The following PMCH variants were observed in gnomAD, a reference collection of about 807,000 sequenced individuals.
PMCH encodes pro-MCH.
In PMCH, 8 loss-of-function variants were observed where a neutral mutation model predicts 15.9. The observed-to-expected ratio is 0.50, with a 90% CI of 0.29 to 0.91. The LOEUF is 0.91. Among genes scored for constraint, PMCH ranks in the 40% least tolerant of loss-of-function variants. The probability of loss-of-function intolerance (pLI) is 0.07; values close to 1 mark genes in which losing one functional copy is unlikely to be tolerated. For synonymous variants in PMCH, 73 were observed against 63.8 expected, an observed-to-expected ratio of 1.14 and a Z score of -0.69; for missense variants, 169 against 185.7, an observed-to-expected ratio of 0.91 and a Z score of 0.52.
chr12:102,197,561 C>G lies in PMCH; in HGVS notation c.210G>C (p.Glu70Asp). ...APSLEQYKND[E>D]SSFMNEEENK... ...TTTCCTCTTCGTTCATGAAACTGCT[C>G]TCATCATTTTTATATTGTTCCAGGG... The change falls in exon 1 of 3, where the codon GAG becomes GAC. Residue 70 changes from glutamate (E) to aspartate (D), a missense_variant. Coordinates refer to ENST00000329406, the MANE Select transcript of PMCH (RefSeq NM_002674.4). The G allele has an allele frequency of 6.2e-7, 1 of 1,610,944 alleles. No individual in the cohort carries two copies. The highest frequency in any genetic ancestry group is 1.7e-5 in the Admixed American group (1 of 59,866).
intron 1 of PMCH, 68 bp from the exon 2 acceptor site, chr12:102,197,239 A>T: frequency 8.2e-6 from 10 of 1,213,780 alleles, no homozygotes; most frequent in Non-Finnish European, 1.2e-5. Context: ...ACAATTGTAT[A>T]ATATTCTTGT....
chr12:102,197,672 T>C lies in PMCH; in HGVS notation c.99A>G (p.Leu33=). 1.9e-6 allele frequency: 3 copies of C among 1,611,736 alleles called. No individual in the cohort carries two copies. The South Asian group carries it at 3.3e-5, about 18-fold the overall frequency. Residue 33 remains leucine, a synonymous_variant, in exon 1 of 3, where the codon TTA becomes TTG. Coordinates refer to ENST00000329406, the MANE Select transcript of PMCH (RefSeq NM_002674.4). The part of the protein sequence containing the change: ...LLSASKSIRN[L]DDDMVFNTFR... ...ATGTATTAAATACCATGTCATCATC[T>C]AAATTTCTTATGGACTTGGATGCTG...
chr12:102,197,621 C>T lies in PMCH; in HGVS notation c.150G>A (p.Lys50=). The stretch of plus-strand genomic sequence containing the variant: ...TAACTGATTTTTCTGCAGTGTCTTC[C>T]TTCTGAAAGCCTTTCCCCAACCTGA... The part of the protein sequence containing the change: ...NTFRLGKGFQ[K]EDTAEKSVIA... The change falls in exon 1 of 3, where the codon AAG becomes AAA. Residue 50 remains lysine, a synonymous_variant. Transcript: ENST00000329406. 8 of 1,612,000 alleles carry T rather than the reference C, an allele frequency of 5.0e-6. No homozygotes were observed. Among genetic ancestry groups the T allele is most frequent in the Non-Finnish European group, 4.2e-6 (5 of 1,178,658 alleles).
intron 2 of PMCH, 51 bp downstream of exon 2, chr12:102,196,922 C>G (rs1307640253): frequency 1.4e-6 from 2 of 1,446,730 alleles, no homozygotes; most frequent in African/African-American, 1.4e-5. Flanking sequence ...ACTCAGAGTT[C>G]TGTTTAATGG....
Position 102,196,994 on chromosome 12 carries a change from T to C in PMCH, c.427A>G (p.Ile143Val), listed in dbSNP as rs1390032150. ...TCACTGTCAAAATCTCTCCTTCCTA[T>C]AGGAAATTTAGCTGAGTTTTCTTCA... Reference protein sequence around the residue: ...GDEENSAKFPIGRRDFDMLRC... With the variant: ...GDEENSAKFPVGRRDFDMLRC... Residue 143 changes from isoleucine to valine, a missense_variant, in exon 2 of 3, where the codon ATA becomes GTA. By Grantham distance (29) the Ile-to-Val change is conservative. Transcript: ENST00000329406. 1 of 1,611,492 alleles carries C rather than the reference T, an allele frequency of 6.2e-7. No homozygotes were observed. The highest frequency in any genetic ancestry group is 8.5e-7 in the Non-Finnish European group (1 of 1,178,240).
Position 102,196,983 on chromosome 12 carries a change from T to C in PMCH, c.438A>G (p.Arg146=). 25 of 1,610,530 alleles carry C rather than the reference T, an allele frequency of 1.6e-5. No homozygotes were observed. Among genetic ancestry groups the C allele is most frequent in the Non-Finnish European group, 2.0e-5 (24 of 1,177,482 alleles). ...ENSAKFPIGR[R]DFDMLRCMLG... ...GAAAAGACTACTCACTGTCAAAATCTCTCCTTCCTATAGGAAATTTAGCTG... is the reference window on the plus strand; with the variant it reads ...GAAAAGACTACTCACTGTCAAAATCCCTCCTTCCTATAGGAAATTTAGCTG... Residue 146 remains arginine (R), a synonymous_variant, in exon 2 of 3, where the codon AGA becomes AGG. Transcript: ENST00000329406.
In PMCH at chr12:102,197,136, A is replaced by T. The variant is rs770540632; in HGVS notation, c.285T>A (p.Gly95=). 1.2e-5 allele frequency: 19 copies of T among 1,611,960 alleles called. No homozygotes were observed. The Admixed American group carries it at 3.2e-4, about 27-fold the overall frequency. The change falls in exon 2 of 3, where the codon GGT becomes GGA. Residue 95 remains glycine, a synonymous_variant. Coordinates refer to ENST00000329406, the MANE Select transcript of PMCH (RefSeq NM_002674.4). ...GTTTTATAGCCAGATTCAGTGGCAGACCATGATTTAAGAAATTATGTTTGG... is the reference window on the plus strand; with the variant it reads ...GTTTTATAGCCAGATTCAGTGGCAGTCCATGATTTAAGAAATTATGTTTGG... ...TGSKHNFLNH[G]LPLNLAIKPY... is the part of the protein sequence containing the mutation.
chr12:102,197,107 T>C lies in PMCH; in HGVS notation c.314A>G (p.Tyr105Cys), dbSNP rs1290509239. The change falls in exon 2 of 3, where the codon TAT (tyrosine) becomes TGT (cysteine). Residue 105 changes from tyrosine to cysteine, a missense_variant. Physicochemically the swap from Tyr to Cys is radical, Grantham distance 194 (BLOSUM62 -2). Transcript: ENST00000329406. ...AGCTACAGATCCTTTTAGTGCAAGA[T>C]AAGGTTTTATAGCCAGATTCAGTGG... ...GLPLNLAIKP[Y>C]LALKGSVAFP... is the part of the protein sequence containing the mutation. 4 of 1,612,308 alleles carry C rather than the reference T, an allele frequency of 2.5e-6. No homozygotes were observed. The highest frequency in any genetic ancestry group is 1.1e-5 in the South Asian group (1 of 91,038).
In PMCH at chr12:102,197,778, T is replaced by C; in HGVS notation, c.-8A>G. 6.4e-7 allele frequency: 1 copy of C among 1,567,378 alleles called. No individual in the cohort carries two copies. Reference sequence around the variant, plus strand: ...GAGATTCATTTTTGCCATTCTTAGTTTGATGTTTGCATACAGTCAAACAAG... The same window carrying C: ...GAGATTCATTTTTGCCATTCTTAGTCTGATGTTTGCATACAGTCAAACAAG... On this transcript the variant is annotated 5_prime_UTR_variant, in exon 1 of 3. Transcript: ENST00000329406.
chr12:102,196,556 A>G lies in PMCH; in HGVS notation c.*96T>C. On this transcript the variant is annotated 3_prime_UTR_variant, in exon 3 of 3. Coordinates refer to ENST00000329406, the MANE Select transcript of PMCH (RefSeq NM_002674.4). ...TACTTTCTTTTAAAACAGACATTTA[A>G]CATACACAAGTTATAGTAGCAGTAT... 2.2e-6 allele frequency: 2 copies of G among 895,564 alleles called. No individual in the cohort carries two copies. The highest frequency in any genetic ancestry group is 3.8e-6 in the Non-Finnish European group (2 of 531,926). 55.5% of individuals were successfully genotyped at this position (895,564 alleles called of 1,614,324 possible).
In PMCH at chr12:102,197,720, C is replaced by T. The variant is rs1467894007; in HGVS notation, c.51G>A (p.Leu17=). 1 of 1,603,616 alleles carries T rather than the reference C, an allele frequency of 6.2e-7. No individual in the cohort carries two copies. Among genetic ancestry groups the T allele is most frequent in the Admixed American group, 1.7e-5 (1 of 59,504 alleles). ...SSYILILTFS[L]FSQGILLSAS... ...CTGAAAGTAAAATACCTTGAGAAAA[C>T]AAAGAAAAAGTTAGTATTAATATAT... The change falls in exon 1 of 3, where the codon TTG becomes TTA. Residue 17 remains leucine (L), a synonymous_variant. Transcript: ENST00000329406.
chr12:102,197,649 G>A lies in PMCH; in HGVS notation c.122C>T (p.Thr41Ile). The change falls in exon 1 of 3, where the codon ACA becomes ATA. Residue 41 changes from threonine (T) to isoleucine (I), a missense_variant. Transcript: ENST00000329406. ...RNLDDDMVFN[T>I]FRLGKGFQKE... ...CTGAAAGCCTTTCCCCAACCTGAAT[G>A]TATTAAATACCATGTCATCATCTAA... The A allele has an allele frequency of 1.9e-6, 3 of 1,612,046 alleles. No individual in the cohort carries two copies. Among genetic ancestry groups the A allele is most frequent in the Non-Finnish European group, 2.5e-6 (3 of 1,178,678 alleles).
Position 102,197,042 on chromosome 12 carries a change from G to C in PMCH, c.379C>G (p.Gln127Glu). 6.2e-7 allele frequency: 1 copy of C among 1,611,954 alleles called. No individual in the cohort carries two copies. Among genetic ancestry groups the C allele is most frequent in the Admixed American group, 1.7e-5 (1 of 59,850 alleles). ...TCATCCCCAATTTCTCTCTTTTCTTGTGTTGATTCAGTATTCTGAACTCCA... is the reference window on the plus strand; with the variant it reads ...TCATCCCCAATTTCTCTCTTTTCTTCTGTTGATTCAGTATTCTGAACTCCA... ...ENGVQNTEST[Q>E]EKREIGDEEN... The change falls in exon 2 of 3, where the codon CAA (glutamine) becomes GAA (glutamate). Residue 127 changes from glutamine (Q) to glutamate (E), a missense_variant. Gln to Glu is a conservative substitution (Grantham distance 29, BLOSUM62 2). Coordinates refer to ENST00000329406, the MANE Select transcript of PMCH (RefSeq NM_002674.4).
chr12:102,196,944 A>C, intron 2 of PMCH, 29 bp downstream of exon 2: 1 of 1,548,412 alleles, frequency 6.5e-7, no homozygotes, highest in Non-Finnish European at 8.9e-7. Flanking sequence ...GGTAGGATGT[A>C]AGAATTGAAT....
At position 102,196,569 on chromosome 12, in the gene PMCH, A is replaced by G. The variant is rs1594651300; in HGVS notation, c.*83T>C. On this transcript the variant is annotated 3_prime_UTR_variant, in exon 3 of 3. Transcript: ENST00000329406. ...AACAGACATTTAACATACACAAGTT[A>G]TAGTAGCAGTATGGGCTTCTCCTCC... 7 of 956,352 alleles carry G rather than the reference A, an allele frequency of 7.3e-6. No homozygotes were observed. The highest frequency in any genetic ancestry group is 2.4e-5 in the East Asian group (1 of 41,900). The allele number at this position is 956,352 out of a possible 1,614,324, so 59.2% of individuals were successfully genotyped here. A position where few individuals can be genotyped will look rare whatever the true frequency, so the allele number is the denominator to read the frequency against.
Position 102,197,567 on chromosome 12 carries a change from A to AT in PMCH, c.203dup (p.Asn68LysfsTer2). 1 of 1,611,072 alleles carries AT rather than the reference A, an allele frequency of 6.2e-7. No individual in the cohort carries two copies. Among genetic ancestry groups the AT allele is most frequent in the Non-Finnish European group, 8.5e-7 (1 of 1,178,198 alleles). ...CTTCGTTCATGAAACTGCTCTCATCATTTTTATATTGTTCCAGGGAAGGAG... is the reference window on the plus strand; with the variant it reads ...CTTCGTTCATGAAACTGCTCTCATCATTTTTTATATTGTTCCAGGGAAGGAG... On this transcript the variant is annotated frameshift_variant, in exon 1 of 3. Coordinates refer to ENST00000329406, the MANE Select transcript of PMCH (RefSeq NM_002674.4). LOFTEE classifies it high-confidence loss of function.
chr12:102,197,622 T>G lies in PMCH; in HGVS notation c.149A>C (p.Lys50Thr). 1 of 1,612,276 alleles carries G rather than the reference T, an allele frequency of 6.2e-7. No homozygotes were observed. The highest frequency in any genetic ancestry group is 8.5e-7 in the Non-Finnish European group (1 of 1,178,762). ...AACTGATTTTTCTGCAGTGTCTTCC[T>G]TCTGAAAGCCTTTCCCCAACCTGAA... The part of the protein sequence containing the change: ...NTFRLGKGFQ[K>T]EDTAEKSVIA... Residue 50 changes from lysine to threonine, a missense_variant, in exon 1 of 3, where the codon AAG (lysine) becomes ACG (threonine). By Grantham distance (78) the Lys-to-Thr change is moderately conservative (BLOSUM62 -1). Coordinates refer to ENST00000329406, the MANE Select transcript of PMCH (RefSeq NM_002674.4).
chr12:102,196,909 T>G (rs1277413523), intron 2 of PMCH, 64 bp downstream of exon 2: 2 of 1,390,578 alleles, frequency 1.4e-6, no homozygotes, highest in African/African-American at 1.4e-5. Flanking sequence ...CAAATTCACT[T>G]TAACTCAGAG....
chr12:102,197,208 T>A (rs1423916378), intron 1 of PMCH, 37 bp from the exon 2 acceptor site: 2 of 1,446,606 alleles, frequency 1.4e-6, no homozygotes, highest in Admixed American at 3.4e-5. Flanking sequence ...TTAGCTATCG[T>A]ATTCGGAGTG....
Sources: allele counts gnomAD v4.1 joint callset, GRCh38; gene constraint gnomAD v4.1.1; transcripts MANE v1.5; gene names NCBI Gene and HGNC (gene_info 2026-07-23, HGNC 2026-07-21).